Variants in CLEC16A observed in about 807,000 individuals in gnomAD.
CLEC16A encodes the protein C-type lectin domain containing 16A, also known as protein CLEC16A.
CLEC16A carries 51 observed loss-of-function variants against 109.5 expected under a neutral mutation model. The ratio of observed to expected loss-of-function variants is 0.47; its 90% CI spans 0.37 to 0.59. The LOEUF (loss-of-function observed/expected upper bound fraction) is 0.59. Among genes scored for constraint, CLEC16A ranks in the 20% least tolerant of loss-of-function variants. The probability of loss-of-function intolerance (pLI) is 0.00; values close to 1 mark genes in which losing one functional copy is unlikely to be tolerated. For missense variants in CLEC16A, 1,339 were observed against 1,394.0 expected (o/e 0.96, Z 0.63); for synonymous variants, 673 against 564.2 (o/e 1.19, Z -2.73).
chr16:11,130,402 C>T (rs1431349863), intron 22 of CLEC16A, among the ~76,000 whole-genome samples: 1 of 152,160 alleles, frequency 6.6e-6, no homozygotes, highest in East Asian at 1.9e-4. Context: ...AACTGAGAAC[C>T]GAGAAGACCT....
At chr16:10,986,614 C>T (rs1364333523) in intron 10 of CLEC16A, among the ~76,000 whole-genome samples, 2 of 152,054 alleles carry the variant, frequency 1.3e-5, no homozygotes, top group Non-Finnish European at 2.9e-5. Context: ...TTAGATACCT[C>T]GTATAAGTAG....
At chr16:11,114,881 GA>G (rs1349195346) in intron 19 of CLEC16A, among the ~76,000 whole-genome samples, 2 of 152,348 alleles carry the variant, frequency 1.3e-5, no homozygotes. Context: ...CACAGCCTCT[GA>G]AAAGCGAGAG....
At chr16:11,061,134 A>G in intron 19 of CLEC16A, 112 bp downstream of exon 19, 1 of 1,271,976 alleles carries the variant, frequency 7.9e-7, no homozygotes, top group South Asian at 1.7e-5. Context: ...TACATTTTGT[A>G]CTATTATTGA....
rs1383373804 is a variant in CLEC16A at position 11,178,006 on chromosome 16, C to G, written c.2807-329C>G. 6.6e-6 allele frequency among the ~76,000 whole-genome samples: 1 copy of G among 152,220 alleles called. No individual in the cohort carries two copies. ...CAGGCAGGCCTGAGATTTGCCCACACATAAAGCCTGTCAGCTGGGTCTCTG... is the reference window on the plus strand; with the variant it reads ...CAGGCAGGCCTGAGATTTGCCCACAGATAAAGCCTGTCAGCTGGGTCTCTG... On this transcript the variant is annotated intron_variant, in intron 23 of 23. Coordinates refer to ENST00000409790, the MANE Select transcript of CLEC16A (RefSeq NM_015226.3). This position sits in a 1 kb window ranked among gnomAD's most constrained non-coding sequence, Gnocchi z 6.5.
At chr16:11,051,978 G>A (rs2047969257) in intron 18 of CLEC16A, among the ~76,000 whole-genome samples, 1 of 152,204 alleles carries the variant, frequency 6.6e-6, no homozygotes, top group South Asian at 2.1e-4. Context: ...GGTACATCCA[G>A]TGCAGGTGAG....
chr16:11,009,868 T>C (rs12934193), intron 11 of CLEC16A, among the ~76,000 whole-genome samples: 21,690 of 152,142 alleles, frequency 0.14, 1,810 homozygotes, highest in South Asian at 0.22. Flanking sequence ...TTAAAGAATA[T>C]GGTGGCCAGG....
intron 13 of CLEC16A, chr16:11,027,263 A>G: frequency 6.5e-7 from 1 of 1,547,124 alleles, no homozygotes; most frequent in Non-Finnish European, 8.8e-7. Flanking sequence ...ATGCCGTGGA[A>G]TTGCCAGATA....
intron 13 of CLEC16A, among the ~76,000 whole-genome samples, chr16:11,031,854 T>C (rs1767119614): frequency 6.6e-6 from 1 of 152,194 alleles, no homozygotes; most frequent in South Asian, 2.1e-4. Context: ...TCTTGGAGGC[T>C]TAAGTGATCA....
intron 23 of CLEC16A, among the ~76,000 whole-genome samples, chr16:11,177,900 T>G (rs543621638): frequency 6.6e-6 from 1 of 151,862 alleles, no homozygotes; most frequent in East Asian, 1.9e-4. Flanking sequence ...TGGGTAAATG[T>G]CATCAAATGT....
chr16:11,052,992 C>T (rs994538250), intron 18 of CLEC16A, among the ~76,000 whole-genome samples: 3 of 152,080 alleles, frequency 2.0e-5, no homozygotes, highest in Admixed American at 6.5e-5. Flanking sequence ...CTCCTGGGCT[C>T]CAGCCATCCT....
chr16:11,020,285 A>C lies in CLEC16A; in HGVS notation c.1396A>C (p.Ser466Arg), dbSNP rs2046018059. The C allele has an allele frequency of 6.2e-7, 1 of 1,613,496 alleles. No individual in the cohort carries two copies. The highest frequency in any genetic ancestry group is 8.5e-7 in the Non-Finnish European group (1 of 1,179,698). Residue 466 changes from serine (S) to arginine (R), a missense_variant, in exon 12 of 24, where the codon AGC becomes CGC. Ser to Arg is a moderately radical substitution (Grantham distance 110). This residue lies in a region of CLEC16A where 1,061 missense variants were observed against 1,006.8 expected (regional missense o/e 1.05). Transcript: ENST00000409790. ...GCAGAACACCACGGACGAGGAGAAA[A>C]GCGCCGCCGCCACCTGCTCTGAGAG... ...QEQNTTDEEK[S>R]AAATCSESTQ...
intron 17 of CLEC16A, chr16:11,048,158 G>C (rs2047732824): frequency 6.6e-6 from 1 of 152,414 alleles, no homozygotes; most frequent in African/African-American, 2.4e-5. Context: ...GAGTGGCAGA[G>C]CCACGCTTCT....
At chr16:11,100,220 G>A (rs2050835609) in intron 19 of CLEC16A, among the ~76,000 whole-genome samples, 2 of 152,104 alleles carry the variant, frequency 1.3e-5, no homozygotes, top group South Asian at 2.1e-4. Context: ...AGACTGCGGG[G>A]GACTCAGCAA....
intron 19 of CLEC16A, among the ~76,000 whole-genome samples, chr16:11,090,887 C>T (rs2152963571): frequency 7.7e-6 from 1 of 129,828 alleles, no homozygotes; most frequent in East Asian, 2.4e-4. Context: ...CCAGGCTCGT[C>T]TTGAACTCCT....
At chr16:11,091,706 A>G (rs1390742160) in intron 19 of CLEC16A, among the ~76,000 whole-genome samples, 5 of 152,144 alleles carry the variant, frequency 3.3e-5, no homozygotes, top group Non-Finnish European at 5.9e-5. Flanking sequence ...AATGAGGAAA[A>G]TTGTCAGGAA....
At chr16:11,133,419 A>G (rs895285753) in intron 22 of CLEC16A, among the ~76,000 whole-genome samples, 2 of 152,068 alleles carry the variant, frequency 1.3e-5, no homozygotes, top group African/African-American at 4.8e-5. Context: ...ATCTTTATCA[A>G]AGGCACCTAA....
At position 11,150,421 on chromosome 16, in the gene CLEC16A, G is replaced by C. The variant is rs201981688; in HGVS notation, c.2642-15967G>C. On this transcript the variant is annotated intron_variant, in intron 22 of 23. Coordinates refer to ENST00000409790, the MANE Select transcript of CLEC16A (RefSeq NM_015226.3). ...TTTCACGGCTGCATAGTATTCCAAA[G>C]CTTGGCTACTTGCGTTTCTTTGGCT... 1.8e-4 allele frequency: 28 copies of C among 152,348 alleles called. No homozygotes were observed. The East Asian group carries it at 5.0e-3, about 27-fold the overall frequency. The allele number at this position is 152,348 out of a possible 1,614,324, so 9.4% of individuals were successfully genotyped here. A position where few individuals can be genotyped will look rare whatever the true frequency, so the allele number is the denominator to read the frequency against.
intron 1 of CLEC16A, among the ~76,000 whole-genome samples, chr16:10,953,144 T>G (rs1422723163): frequency 6.6e-6 from 1 of 152,246 alleles, no homozygotes; most frequent in Non-Finnish European, 1.5e-5. Flanking sequence ...ACTGTAAAAC[T>G]GCAGTAATCA....
intron 10 of CLEC16A, among the ~76,000 whole-genome samples, chr16:10,996,576 A>G (rs776640757): frequency 1.3e-5 from 2 of 152,066 alleles, no homozygotes; most frequent in African/African-American, 2.4e-5. Flanking sequence ...TTCCTCCTCT[A>G]TCAAGCCGTC....
Sources: gnomAD v4.1 joint callset for allele counts (sites outside exome capture counted in the v4.1 genomes callset) on GRCh38, gnomAD v4.1.1 for gene constraint, gnomAD v4.1.1 regional missense constraint, Gnocchi (gnomAD v3.1) non-coding constraint, MANE v1.5 for transcripts, NCBI Gene and HGNC (gene_info 2026-07-23, HGNC 2026-07-21) for gene names.